The following ZNF177 variants were observed in gnomAD, a reference collection of about 807,000 sequenced individuals.
The protein encoded by ZNF177 is zinc finger protein 177.
A neutral mutation model predicts 19.4 loss-of-function variants in ZNF177; 17 were observed. The ratio of observed to expected loss-of-function variants is 0.87; its 90% CI spans 0.60 to 1.31. The LOEUF is 1.31. Ranked by LOEUF, ZNF177 falls within the 40% of genes most tolerant of loss-of-function variation. The probability of loss-of-function intolerance (pLI) is 0.00; values close to 1 mark genes in which losing one functional copy is unlikely to be tolerated. For missense variants in ZNF177, 633 were observed against 561.8 expected (o/e 1.13, Z -1.28); for synonymous variants, 220 against 188.7 (o/e 1.17, Z -1.36).
At position 9,381,086 on chromosome 19, in the gene ZNF177, T is replaced by TG; in HGVS notation, c.757dup (p.Glu253GlyfsTer7). The TG allele has an allele frequency of 1.2e-6, 2 of 1,611,496 alleles. No individual in the cohort carries two copies. The highest frequency in any genetic ancestry group is 1.7e-6 in the Non-Finnish European group (2 of 1,179,998). On this transcript the variant is annotated frameshift_variant, in exon 6 of 6. Transcript: ENST00000589262. LOFTEE classifies it low-confidence loss of function (END_TRUNC). ...AGTGTCCACACAAAAACTGGTAGTG[T>TG]GGAGGAGGGTTTGGAATGTAATGAA... is the stretch of plus-strand genomic sequence containing the variant.
At chr19:9,370,972 T>A (rs1034480594) in intron 2 of ZNF177, among the ~76,000 whole-genome samples, 1 of 152,238 alleles carries the variant, frequency 6.6e-6, no homozygotes, top group Non-Finnish European at 1.5e-5. Context: ...TAGCCTCATG[T>A]GGCTATTGAA....
chr19:9,369,865 C>T (rs911197650), intron 2 of ZNF177, among the ~76,000 whole-genome samples: 1 of 152,232 alleles, frequency 6.6e-6, no homozygotes, highest in African/African-American at 2.4e-5. Context: ...GAACATACTA[C>T]TCAATCACCT....
intron 4 of ZNF177, 40 bp downstream of exon 6, chr19:9,379,659 A>AG (rs748546673): frequency 1.2e-5 from 19 of 1,603,682 alleles, no homozygotes; most frequent in Non-Finnish European, 1.5e-5. Context: ...TTGGCCAGTG[A>AG]GGGTTAGTAC....
intron 2 of ZNF177, among the ~76,000 whole-genome samples, chr19:9,365,993 C>A (rs544735332): frequency 6.6e-6 from 1 of 152,230 alleles, no homozygotes; most frequent in African/African-American, 2.4e-5. Flanking sequence ...GTCCCCAGAT[C>A]TGAGTCACAG....
chr19:9,379,261 T>G, intron 3 of ZNF177, 173 bp downstream of exon 5: 1 of 1,211,660 alleles, frequency 8.3e-7, no homozygotes, highest in Non-Finnish European at 1.1e-6. Context: ...CTGATTTCAT[T>G]TTCTCTATCA....
At chr19:9,378,800 G>T (rs1038843974) in intron 2 of ZNF177, among the ~76,000 whole-genome samples, 162 bp from the exon 5 acceptor site, 10 of 152,178 alleles carry the variant, frequency 6.6e-5, no homozygotes, top group Non-Finnish European at 1.0e-4. Context: ...AGAGTTCTGA[G>T]AACTCAGCTT....
exon 6 of ZNF177, chr19:9,382,071 T>C (rs145536079): frequency 2.4e-4 from 102 of 428,428 alleles, no homozygotes; most frequent in African/African-American, 1.8e-3. Flanking sequence ...CTGTGTGACA[T>C]AGATTTGAAC....
chr19:9,363,484 T>TC (rs1160314743), intron 1 of ZNF177, among the ~76,000 whole-genome samples: 2 of 152,216 alleles, frequency 1.3e-5, no homozygotes, highest in East Asian at 1.9e-4. Context: ...TCCCTTTTTT[T>TC]CCCCTCTGTT....
chr19:9,364,617 G>T (rs1466500083), intron 1 of ZNF177, among the ~76,000 whole-genome samples: 1 of 152,152 alleles, frequency 6.6e-6, no homozygotes, highest in Non-Finnish European at 1.5e-5. Context: ...GACACATGTA[G>T]GTAGAGGATC....
At chr19:9,365,726 C>A (rs537863330) in intron 2 of ZNF177, among the ~76,000 whole-genome samples, 1 of 151,802 alleles carries the variant, frequency 6.6e-6, no homozygotes, top group Non-Finnish European at 1.5e-5. Context: ...GGATAAAACA[C>A]GTCTCCTGTC....
intron 1 of ZNF177, among the ~76,000 whole-genome samples, chr19:9,376,682 C>G (rs544910711): frequency 6.6e-6 from 1 of 152,268 alleles, no homozygotes; most frequent in African/African-American, 2.4e-5. Context: ...TTATACTCTT[C>G]CATTTCCCAC....
chr19:9,377,718 T>A (rs2068131019), intron 1 of ZNF177, among the ~76,000 whole-genome samples: 1 of 152,210 alleles, frequency 6.6e-6, no homozygotes, highest in Non-Finnish European at 1.5e-5. Context: ...CTAAGTGTAC[T>A]AAATGTTGTT....
intron 2 of ZNF177, among the ~76,000 whole-genome samples, chr19:9,368,894 T>A (rs992965514): frequency 2.6e-5 from 4 of 152,158 alleles, no homozygotes; most frequent in Admixed American, 2.0e-4. Flanking sequence ...AATCTCGTTA[T>A]TAACTTACAA....
chr19:9,382,606 G>A (rs2068218493), downstream of ZNF177: 2 of 389,830 alleles, frequency 5.1e-6, no homozygotes, highest in Non-Finnish European at 9.0e-6. Context: ...TCAAGTTTTA[G>A]GAATCGTTCA....
intron 1 of ZNF177, among the ~76,000 whole-genome samples, chr19:9,377,132 A>G (rs1347166): frequency 0.57 from 85,886 of 151,928 alleles, 24,528 homozygotes; most frequent in Middle Eastern, 0.63. Context: ...TAACATTTTA[A>G]TAGTGCTAAA....
intron 5 of ZNF177, 42 bp downstream of exon 7, chr19:9,380,181 G>T: frequency 6.4e-7 from 1 of 1,566,594 alleles, no homozygotes; most frequent in Non-Finnish European, 8.6e-7. Flanking sequence ...TGTAGTAGAA[G>T]TCTGGGAATC....
exon 6 of ZNF177, chr19:9,381,837 T>C: frequency 6.5e-7 from 1 of 1,528,212 alleles, no homozygotes; most frequent in Non-Finnish European, 8.8e-7. Flanking sequence ...AGAACATATA[T>C]TGGAGAGAAG....
chr19:9,381,073 A>G, exon 6 of ZNF177: 1 of 1,610,084 alleles, frequency 6.2e-7, no homozygotes, highest in Non-Finnish European at 8.5e-7. Flanking sequence ...TGTCCACACA[A>G]AAACTGGTAG....
rs754766553 is a variant in ZNF177 at position 9,367,317 on chromosome 19, AAAAAAT to A, written c.-305+2385_-305+2390del. Among the ~76,000 whole-genome samples the A allele has an allele frequency of 1.2e-4, 19 of 152,310 alleles. No individual in the cohort carries two copies. The South Asian group carries it at 2.3e-3, about 18-fold the overall frequency. On this transcript the variant is annotated intron_variant, in intron 2 of 8. Coordinates refer to the ZNF177 transcript ENST00000343499. ...GAAACAGACCAAGAGTGTCTCAAAA[AAAAAAT>A]AAAAATAAAAATAAATAAGCTGGCT...
Sources: allele counts gnomAD v4.1 joint callset (sites outside exome capture counted in the v4.1 genomes callset), GRCh38; gene constraint gnomAD v4.1.1; transcripts MANE v1.5; gene names NCBI Gene and HGNC (gene_info 2026-07-23, HGNC 2026-07-21).